The following IL17D variants were observed in gnomAD, a reference collection of about 807,000 sequenced individuals.
The protein encoded by IL17D is interleukin-17D.
In IL17D, 10 loss-of-function variants were observed where a neutral mutation model predicts 5.7. The ratio of observed to expected loss-of-function variants is 1.75; its 90% CI spans 1.08 to 2.97. The LOEUF (loss-of-function observed/expected upper bound fraction) is 2.97. Among genes scored for constraint, IL17D ranks in the 30% most tolerant of loss-of-function variants. The pLI is 0.00. For missense variants in IL17D, 354 were observed against 292.7 expected (o/e 1.21, Z -1.53); for synonymous variants, 172 against 141.7 (o/e 1.21, Z -1.52).
At position 20,716,944 on chromosome 13, in the gene IL17D, CAGTT is replaced by C. The variant is rs1025882549; in HGVS notation, c.291-4689_291-4686del. ...CAGCGCCCCAGCTATCCTTGGGCAT[CAGTT>C]AGAGGACACATCAGGTGGCCCGATC... On this transcript the variant is annotated intron_variant, in intron 1 of 1. Transcript: ENST00000682841. This position sits in a 1 kb window ranked among gnomAD's most constrained non-coding sequence, Gnocchi z 4.2. Among the ~76,000 whole-genome samples the C allele has an allele frequency of 6.6e-6, 1 of 152,258 alleles. No individual in the cohort carries two copies. The highest frequency in any genetic ancestry group is 2.4e-5 in the African/African-American group (1 of 41,468).
chr13:20,714,369 C>T (rs1397781754), intron 1 of IL17D, among the ~76,000 whole-genome samples: 2 of 152,214 alleles, frequency 1.3e-5, no homozygotes, highest in Non-Finnish European at 2.9e-5. Context: ...AAACCGCACA[C>T]CGCATCTGTT....
At chr13:20,709,140 C>CCT (rs777399305) in intron 1 of IL17D, among the ~76,000 whole-genome samples, 1 of 137,252 alleles carries the variant, frequency 7.3e-6, no homozygotes, top group Non-Finnish European at 1.5e-5. Context: ...CTAAGAAGCC[C>CCT]TTTTTTTTTT....
At chr13:20,712,713 T>G (rs1211890645) in intron 1 of IL17D, 6 of 149,362 alleles carry the variant, frequency 4.0e-5, no homozygotes, top group African/African-American at 1.5e-4. Flanking sequence ...CTGAGACCCC[T>G]GTGGTACGCG....
intron 1 of IL17D, among the ~76,000 whole-genome samples, chr13:20,720,982 C>T (rs919366409): frequency 6.6e-6 from 1 of 151,854 alleles, no homozygotes; most frequent in African/African-American, 2.4e-5. Context: ...TCTTCACCTC[C>T]CAGGCGTGCT....
chr13:20,704,267 G>A lies in IL17D; in HGVS notation c.266G>A (p.Arg89His). The part of the protein sequence containing the change: ...DRRFRPPTNL[R>H]SVSPWAYRIS... Reference sequence around the variant, plus strand: ...CGCTTCCGGCCGCCCACCAACCTGCGCAGCGTGTCGCCCTGGGCCTACAGG... The same window carrying A: ...CGCTTCCGGCCGCCCACCAACCTGCACAGCGTGTCGCCCTGGGCCTACAGG... The change falls in exon 1 of 2, where the codon CGC (arginine) becomes CAC (histidine). Residue 89 changes from arginine (R) to histidine (H), a missense_variant. Transcript: ENST00000682841. The A allele has an allele frequency of 7.9e-7, 1 of 1,269,340 alleles. No homozygotes were observed. The highest frequency in any genetic ancestry group is 2.2e-5 in the South Asian group (1 of 45,598). The allele number at this position is 1,269,340 out of a possible 1,614,324, so 78.6% of individuals were successfully genotyped here.
intron 1 of IL17D, among the ~76,000 whole-genome samples, chr13:20,721,078 G>A (rs1309215527): frequency 1.3e-5 from 2 of 152,122 alleles, no homozygotes; most frequent in Non-Finnish European, 2.9e-5. Flanking sequence ...GCTGGCACTT[G>A]GCACCAAATC....
intron 1 of IL17D, among the ~76,000 whole-genome samples, chr13:20,706,455 G>A (rs1252915872): frequency 3.3e-5 from 5 of 152,268 alleles, no homozygotes; most frequent in African/African-American, 1.2e-4. Context: ...CTCCCCACAG[G>A]CTGGGCCAAG....
rs1362606042 is a variant in IL17D, at chr13:20,722,544, A to C, written c.*590A>C. The C allele has an allele frequency of 2.0e-5, 3 of 152,142 alleles. No homozygotes were observed. Among genetic ancestry groups the C allele is most frequent in the Non-Finnish European group, 4.4e-5 (3 of 68,064 alleles). The allele number at this position is 152,142 out of a possible 1,614,324, so 9.4% of individuals were successfully genotyped here. On this transcript the variant is annotated 3_prime_UTR_variant, in exon 2 of 2. Transcript: ENST00000682841. ...TCCTTGGATAAATTTTGTAGCTGGT[A>C]CACTCTGGCCTGGGTCTCTGAATTC...
intron 1 of IL17D, chr13:20,717,019 CA>C (rs2058683336): frequency 6.6e-6 from 1 of 152,222 alleles, no homozygotes; most frequent in Non-Finnish European, 1.5e-5. Flanking sequence ...GGAGCCGCTT[CA>C]AATTGTTTCC....
intron 1 of IL17D, among the ~76,000 whole-genome samples, chr13:20,715,511 C>T (rs2058672504): frequency 6.6e-6 from 1 of 152,152 alleles, no homozygotes; most frequent in African/African-American, 2.4e-5. Context: ...GGCTAGCTAG[C>T]CTTTAGGGAT....
upstream of IL17D, chr13:20,703,226 G>A: frequency 1.0e-6 from 1 of 967,000 alleles, no homozygotes; most frequent in Non-Finnish European, 1.2e-6. Context: ...CAGTTTGCGT[G>A]GCCCTTCGGG....
At chr13:20,720,625 C>T (rs2058723927) in intron 1 of IL17D, among the ~76,000 whole-genome samples, 1 of 152,226 alleles carries the variant, frequency 6.6e-6, no homozygotes, top group Admixed American at 6.5e-5. Flanking sequence ...GCCACCTGGC[C>T]AAGCTCCTGA....
upstream of IL17D, chr13:20,703,322 T>C (rs905948696): frequency 1.0e-6 from 1 of 986,296 alleles, no homozygotes; most frequent in Non-Finnish European, 1.2e-6. Flanking sequence ...GGGGCACTGG[T>C]GAGTACACTG....
chr13:20,721,743 G>A lies in IL17D; in HGVS notation c.398G>A (p.Ser133Asn), dbSNP rs140682153. The A allele has an allele frequency of 1.9e-5, 30 of 1,610,498 alleles. No individual in the cohort carries two copies. The highest frequency in any genetic ancestry group is 2.3e-5 in the Non-Finnish European group (27 of 1,179,580). The stretch of plus-strand genomic sequence containing the variant: ...GGCGAGGAGGACGTGCGCTTCCGCA[G>A]CGCCCCTGTCTACATGCCCACCGTC... ...LFGEEDVRFR[S>N]APVYMPTVVL... Residue 133 changes from serine to asparagine, a missense_variant, in exon 2 of 2, where the codon AGC (serine) becomes AAC (asparagine). Transcript: ENST00000682841.
At chr13:20,706,439 C>T (rs1239501176) in intron 1 of IL17D, among the ~76,000 whole-genome samples, 2 of 152,262 alleles carry the variant, frequency 1.3e-5, no homozygotes, top group Non-Finnish European at 2.9e-5. Flanking sequence ...TCAGGCAAAC[C>T]CGTGGCTCCC....
At chr13:20,704,348 G>A (rs1245525307) in intron 1 of IL17D, 57 bp downstream of exon 1, 5 of 903,536 alleles carry the variant, frequency 5.5e-6, no homozygotes, top group East Asian at 4.7e-5. Flanking sequence ...AGGGCTGGGC[G>A]GGGAGAGTGG....
At chr13:20,704,615 C>T (rs1223541549) in intron 1 of IL17D, among the ~76,000 whole-genome samples, 1 of 152,076 alleles carries the variant, frequency 6.6e-6, no homozygotes, top group Non-Finnish European at 1.5e-5. Context: ...CCCCCACCAC[C>T]TCCCTTGAAG....
Position 20,716,330 on chromosome 13 carries a change from A to G in IL17D, c.291-5306A>G, listed in dbSNP as rs999787382. ...TTCTTGGCCCTTTTCTTCTCTCTCTATGAATTTTAGGATCAGCTTGCCAAG... is the reference window on the plus strand; with the variant it reads ...TTCTTGGCCCTTTTCTTCTCTCTCTGTGAATTTTAGGATCAGCTTGCCAAG... On this transcript the variant is annotated intron_variant, in intron 1 of 1. Coordinates refer to ENST00000682841, the MANE Select transcript of IL17D (RefSeq NM_001385224.1). The surrounding 1 kb of genome is among the most constrained non-coding windows in gnomAD (Gnocchi z 4.2). 2.0e-5 allele frequency among the ~76,000 whole-genome samples: 3 copies of G among 152,034 alleles called. No homozygotes were observed. Among genetic ancestry groups the G allele is most frequent in the Non-Finnish European group, 4.4e-5 (3 of 68,012 alleles).
intron 1 of IL17D, among the ~76,000 whole-genome samples, chr13:20,718,663 C>A (rs1042661235): frequency 8.7e-6 from 1 of 115,518 alleles, no homozygotes; most frequent in African/African-American, 3.1e-5. Context: ...CACTTACATG[C>A]CCACGCTCAC....
Sources: gnomAD v4.1 joint callset for allele counts (sites outside exome capture counted in the v4.1 genomes callset) on GRCh38, gnomAD v4.1.1 for gene constraint, Gnocchi (gnomAD v3.1) non-coding constraint, MANE v1.5 for transcripts, NCBI Gene and HGNC (gene_info 2026-07-23, HGNC 2026-07-21) for gene names.